The following FPR3 variants were observed in gnomAD, a reference collection of about 807,000 sequenced individuals.
FPR3 encodes formyl peptide receptor 3.
For missense variants in FPR3, 346 were observed against 443.2 expected, an observed-to-expected ratio of 0.78 and a Z score of 1.97; for synonymous variants, 135 against 163.6, an observed-to-expected ratio of 0.83 and a Z score of 1.34.
intron 1 of FPR3, among the ~76,000 whole-genome samples, chr19:51,822,668 C>T (rs568734816): frequency 5.1e-4 from 77 of 152,292 alleles, no homozygotes; most frequent in African/African-American, 1.8e-3. Flanking sequence ...GCAATTAACA[C>T]AGTGAATAGT....
chr19:51,797,161 G>C (rs10405487), intron 1 of FPR3, among the ~76,000 whole-genome samples: 2,036 of 152,276 alleles, frequency 0.013, 35 homozygotes, highest in African/African-American at 0.046. Context: ...TAAAAACTGA[G>C]AAGGACTCAC....
rs758185337 is a variant in FPR3, at chr19:51,823,866, G to A, written c.118G>A (p.Gly40Arg). The change falls in exon 2 of 2, where the codon GGG (glycine) becomes AGG (arginine). Residue 40 changes from glycine (G) to arginine (R), a missense_variant. Coordinates refer to ENST00000339223, the MANE Select transcript of FPR3 (RefSeq NM_002030.5). ...LLVHGVTFVF[G>R]VLGNGLVIWV... ...AGTCCACGGAGTCACCTTTGTCTTC[G>A]GGGTCCTGGGCAATGGGCTTGTGAT... is the stretch of plus-strand genomic sequence containing the variant. 2.4e-5 allele frequency: 39 copies of A among 1,613,878 alleles called. No individual in the cohort carries two copies. The highest frequency in any genetic ancestry group is 3.1e-5 in the Non-Finnish European group (36 of 1,179,982).
At chr19:51,821,551 C>T (rs762441502) in intron 1 of FPR3, among the ~76,000 whole-genome samples, 53 of 152,050 alleles carry the variant, frequency 3.5e-4, no homozygotes, top group Non-Finnish European at 1.0e-4. Context: ...AACAATGTCC[C>T]ATGAAAGACC....
intron 1 of FPR3, among the ~76,000 whole-genome samples, chr19:51,810,439 G>A (rs1163297703): frequency 3.9e-5 from 6 of 152,180 alleles, no homozygotes; most frequent in African/African-American, 1.4e-4. Flanking sequence ...TATGTAAAAA[G>A]GATTGTACTG....
Position 51,825,146 on chromosome 19 carries a change from C to T in FPR3, c.*336C>T, listed in dbSNP as rs2084223479. On this transcript the variant is annotated 3_prime_UTR_variant, in exon 2 of 2. Coordinates refer to ENST00000339223, the MANE Select transcript of FPR3 (RefSeq NM_002030.5). ...ACCAACCAGCTTCAATCAGGGTTCC[C>T]ACTACCCCCTCTTTGGGGGTAGAGT... 4.0e-6 allele frequency: 1 copy of T among 248,034 alleles called. No homozygotes were observed. The highest frequency in any genetic ancestry group is 1.1e-4 in the South Asian group (1 of 8,916). 15.4% of individuals were successfully genotyped at this position (248,034 alleles called of 1,614,324 possible).
intron 1 of FPR3, among the ~76,000 whole-genome samples, chr19:51,803,325 AT>A (rs2122417295): frequency 6.6e-6 from 1 of 152,300 alleles, no homozygotes; most frequent in South Asian, 2.1e-4. Context: ...TTGTATTTAA[AT>A]AAATAAACTC....
chr19:51,823,021 C>A (rs938857571), intron 1 of FPR3, among the ~76,000 whole-genome samples: 11 of 152,092 alleles, frequency 7.2e-5, no homozygotes, highest in Non-Finnish European at 1.5e-5. Context: ...TGCCACCACA[C>A]CTGGCTAATT....
chr19:51,814,398 A>AG (rs2084119040), intron 1 of FPR3, among the ~76,000 whole-genome samples: 1 of 152,204 alleles, frequency 6.6e-6, no homozygotes, highest in Non-Finnish European at 1.5e-5. Context: ...CTCCCTCTGG[A>AG]GCAGAAGGTT....
intron 1 of FPR3, chr19:51,804,194 G>T (rs1385898139): frequency 1.3e-5 from 2 of 151,862 alleles, no homozygotes; most frequent in African/African-American, 4.8e-5. Context: ...TCTCATACGA[G>T]GCTCAGGGCT....
At chr19:51,816,210 G>A (rs1158482117) in intron 1 of FPR3, among the ~76,000 whole-genome samples, 1 of 152,154 alleles carries the variant, frequency 6.6e-6, no homozygotes, top group Non-Finnish European at 1.5e-5. Flanking sequence ...CTATATACTT[G>A]CCCTATGCAT....
chr19:51,811,229 A>G (rs1474944323), intron 1 of FPR3, among the ~76,000 whole-genome samples: 1 of 151,296 alleles, frequency 6.6e-6, no homozygotes, highest in Non-Finnish European at 1.5e-5. Context: ...CTCTGTCCCA[A>G]TTTTCCACAT....
chr19:51,807,307 T>C (rs1372353463), intron 1 of FPR3, among the ~76,000 whole-genome samples: 2 of 152,192 alleles, frequency 1.3e-5, no homozygotes, highest in Non-Finnish European at 2.9e-5. Flanking sequence ...TCTCAATAGA[T>C]AACTCTCAAT....
chr19:51,815,607 C>T (rs1243583081), intron 1 of FPR3, among the ~76,000 whole-genome samples: 2 of 151,094 alleles, frequency 1.3e-5, no homozygotes, highest in African/African-American at 4.9e-5. Context: ...GTGGCTCACA[C>T]TTGTCATCCC....
intron 1 of FPR3, among the ~76,000 whole-genome samples, chr19:51,799,768 TG>T (rs1347935997): frequency 6.6e-6 from 1 of 152,214 alleles, no homozygotes; most frequent in Non-Finnish European, 1.5e-5. Flanking sequence ...AAACCCTTTC[TG>T]GGATCAGGCC....
chr19:51,819,511 T>G (rs1417837459), intron 1 of FPR3, among the ~76,000 whole-genome samples: 1 of 152,110 alleles, frequency 6.6e-6, no homozygotes, highest in African/African-American at 2.4e-5. Context: ...AAAAATGTGT[T>G]TGAAGTAGGA....
chr19:51,795,413 A>AGT (rs2083990124), intron 1 of FPR3, 82 bp downstream of exon 1: 1 of 150,128 alleles, frequency 6.7e-6, no homozygotes, highest in Non-Finnish European at 1.5e-5. Flanking sequence ...GGAGTAGCGT[A>AGT]GTCCAGTGAA....
intron 1 of FPR3, among the ~76,000 whole-genome samples, chr19:51,823,460 T>C (rs991606904): frequency 6.6e-6 from 1 of 152,194 alleles, no homozygotes; most frequent in African/African-American, 2.4e-5. Context: ...CCATTGTCCA[T>C]ACACTCTCAG....
chr19:51,795,585 C>T (rs1408096529), intron 1 of FPR3, among the ~76,000 whole-genome samples: 1 of 134,548 alleles, frequency 7.4e-6, no homozygotes, highest in African/African-American at 2.8e-5. Flanking sequence ...ACAATCTCAG[C>T]CCACTGCAAC....
At chr19:51,805,417 A>T (rs2084051813) in intron 1 of FPR3, among the ~76,000 whole-genome samples, 1 of 152,202 alleles carries the variant, frequency 6.6e-6, no homozygotes, top group South Asian at 2.1e-4. Flanking sequence ...TGCCTATTTA[A>T]ATCAAGAATT....
Sources: gnomAD v4.1 joint callset for allele counts (sites outside exome capture counted in the v4.1 genomes callset) on GRCh38, gnomAD v4.1.1 for gene constraint, MANE v1.5 for transcripts, NCBI Gene and HGNC (gene_info 2026-07-23, HGNC 2026-07-21) for gene names.